The following RAD18 variants were observed in gnomAD, a reference collection of about 807,000 sequenced individuals.
RAD18 encodes the protein RAD18 E3 ubiquitin protein ligase, also known as E3 ubiquitin-protein ligase RAD18.
A neutral mutation model predicts 60.4 loss-of-function variants in RAD18; 47 were observed. That is an observed-to-expected ratio of 0.78 (90% CI 0.62 to 0.99). RAD18 has a LOEUF of 0.99. Among genes scored for constraint, RAD18 ranks in the 50% least tolerant of loss-of-function variants. The pLI is 0.00. For synonymous variants in RAD18, 225 were observed against 195.5 expected, an observed-to-expected ratio of 1.15 and a Z score of -1.26; for missense variants, 640 against 593.3, an observed-to-expected ratio of 1.08 and a Z score of -0.82.
intron 12 of RAD18, among the ~76,000 whole-genome samples, chr3:8,884,272 C>A (rs566231149): frequency 1.4e-3 from 219 of 152,284 alleles, no homozygotes; most frequent in African/African-American, 5.1e-3. Context: ...GAATAAATGA[C>A]CCCTACCTAA....
chr3:8,918,089 G>A (rs1031880439), intron 7 of RAD18, among the ~76,000 whole-genome samples: 11 of 152,034 alleles, frequency 7.2e-5, no homozygotes, highest in Non-Finnish European at 1.0e-4. Context: ...AGGCCGAGGC[G>A]AGTGGATCAC....
chr3:8,898,709 C>A (rs1477808002), intron 11 of RAD18, among the ~76,000 whole-genome samples, 185 bp downstream of exon 11: 2 of 152,210 alleles, frequency 1.3e-5, no homozygotes, highest in Non-Finnish European at 2.9e-5. Flanking sequence ...GTGATCCCTG[C>A]ACTACCTTCC....
intron 7 of RAD18, among the ~76,000 whole-genome samples, chr3:8,923,256 A>G (rs141324150): frequency 0.019 from 2,845 of 152,322 alleles, 126 homozygotes; most frequent in Admixed American, 0.11. Flanking sequence ...CACAAAAACT[A>G]CGTGACGAAT....
chr3:8,940,969 T>C (rs959720656), intron 5 of RAD18, among the ~76,000 whole-genome samples: 1 of 152,106 alleles, frequency 6.6e-6, no homozygotes, highest in East Asian at 1.9e-4. Context: ...GATCTGCCAG[T>C]TGTAGTTTGC....
At chr3:8,938,548 C>T (rs1014480216) in intron 6 of RAD18, among the ~76,000 whole-genome samples, 1 of 152,126 alleles carries the variant, frequency 6.6e-6, no homozygotes, top group African/African-American at 2.4e-5. Context: ...CTCTTCTTTT[C>T]CAAATCTCTC....
chr3:8,943,877 G>A (rs1287521303), intron 4 of RAD18, among the ~76,000 whole-genome samples: 2 of 152,052 alleles, frequency 1.3e-5, no homozygotes, highest in Non-Finnish European at 2.9e-5. Flanking sequence ...AATAGAAAAA[G>A]TAAAAACCAC....
chr3:8,933,532 GA>G (rs2125064011), intron 7 of RAD18, among the ~76,000 whole-genome samples: 1 of 152,286 alleles, frequency 6.6e-6, no homozygotes, highest in South Asian at 2.1e-4. Context: ...GGAAACTATA[GA>G]AAAACCAGTT....
chr3:8,954,981 C>T (rs904123236), intron 2 of RAD18, among the ~76,000 whole-genome samples: 4 of 152,106 alleles, frequency 2.6e-5, no homozygotes, highest in African/African-American at 9.7e-5. Flanking sequence ...ATCATCATTA[C>T]TGAAACTTCC....
intron 7 of RAD18, among the ~76,000 whole-genome samples, chr3:8,931,105 T>G (rs763468137): frequency 2.6e-5 from 4 of 152,094 alleles, no homozygotes; most frequent in South Asian, 2.1e-4. Flanking sequence ...GTAACTTGAT[T>G]GTGTATATAA....
chr3:8,956,127 C>A (rs1370107211), intron 2 of RAD18, among the ~76,000 whole-genome samples: 1 of 152,138 alleles, frequency 6.6e-6, no homozygotes, highest in Non-Finnish European at 1.5e-5. Context: ...ATCTTAGCAA[C>A]CTCAGCATAC....
chr3:8,883,624 C>G (rs1939509725), intron 12 of RAD18, among the ~76,000 whole-genome samples: 1 of 152,104 alleles, frequency 6.6e-6, no homozygotes, highest in Admixed American at 6.5e-5. Flanking sequence ...CCTTTACTTC[C>G]TGCTTGCACA....
At chr3:8,907,678 C>T (rs1940036038) in intron 9 of RAD18, among the ~76,000 whole-genome samples, 1 of 152,224 alleles carries the variant, frequency 6.6e-6, no homozygotes, top group East Asian at 1.9e-4. Context: ...CAGCTAACTT[C>T]AGATGGTGCA....
At chr3:8,891,073 A>AT (rs1289626066) in intron 11 of RAD18, among the ~76,000 whole-genome samples, 265 of 36,692 alleles carry the variant, frequency 7.2e-3, no homozygotes, top group African/African-American at 0.034. Context: ...ATATATATAT[A>AT]AAATATATAT....
chr3:8,879,539 G>C lies in RAD18; in HGVS notation c.*1818C>G, dbSNP rs369235641. 1.9e-4 allele frequency: 29 copies of C among 152,368 alleles called. No homozygotes were observed. The highest frequency in any genetic ancestry group is 6.7e-4 in the African/African-American group (28 of 41,586). The allele number at this position is 152,368 out of a possible 1,614,324, so 9.4% of individuals were successfully genotyped here. A position where few individuals can be genotyped will look rare whatever the true frequency, so the allele number is the denominator to read the frequency against. On this transcript the variant is annotated 3_prime_UTR_variant, in exon 13 of 13. Coordinates refer to ENST00000264926, the MANE Select transcript of RAD18 (RefSeq NM_020165.4). ...TGTTGTGTAAGCTTCCCCGTCTGCA[G>C]TATCTTGTGACGGCAGCCCTGGCAA...
chr3:8,930,121 T>C (rs1249879763), intron 7 of RAD18, among the ~76,000 whole-genome samples: 1 of 152,146 alleles, frequency 6.6e-6, no homozygotes, highest in Non-Finnish European at 1.5e-5. Context: ...AATTTGTACA[T>C]AAATGTTCAT....
At chr3:8,956,634 C>T (rs1427493418) in intron 2 of RAD18, among the ~76,000 whole-genome samples, 2 of 150,398 alleles carry the variant, frequency 1.3e-5, no homozygotes, top group Non-Finnish European at 2.9e-5. Flanking sequence ...GTCTCCCAAA[C>T]AAAACAAAAC....
chr3:8,895,610 G>C (rs558209109), intron 11 of RAD18, among the ~76,000 whole-genome samples: 1 of 151,808 alleles, frequency 6.6e-6, no homozygotes, highest in African/African-American at 2.4e-5. Context: ...ACTTTATAAA[G>C]AGTAAGGTTT....
At chr3:8,937,713 C>A (rs1056807786) in intron 6 of RAD18, among the ~76,000 whole-genome samples, 1 of 152,090 alleles carries the variant, frequency 6.6e-6, no homozygotes, top group Non-Finnish European at 1.5e-5. Flanking sequence ...AAAGGCTTGG[C>A]GGTCAAATAA....
At chr3:8,962,563 A>G (rs1265632107) in intron 1 of RAD18, among the ~76,000 whole-genome samples, 2 of 152,226 alleles carry the variant, frequency 1.3e-5, no homozygotes, top group African/African-American at 4.8e-5. Context: ...CACTGTGAGA[A>G]ACGGAAATAA....
Sources: allele counts gnomAD v4.1 joint callset (sites outside exome capture counted in the v4.1 genomes callset), GRCh38; gene constraint gnomAD v4.1.1; transcripts MANE v1.5; gene names NCBI Gene and HGNC (gene_info 2026-07-23, HGNC 2026-07-21).